The following ARHGEF3 variants were observed in gnomAD, a reference collection of about 807,000 sequenced individuals.
ARHGEF3 encodes the protein 59.8 kDA protein.
ARHGEF3 carries 28 observed loss-of-function variants against 63.2 expected under a neutral mutation model. That is an observed-to-expected ratio of 0.44 (90% CI 0.33 to 0.61). The LOEUF is 0.61. Among genes scored for constraint, ARHGEF3 ranks in the 20% least tolerant of loss-of-function variants. The probability of loss-of-function intolerance (pLI) is 0.03; values close to 1 mark genes in which losing one functional copy is unlikely to be tolerated. For missense variants in ARHGEF3, 533 were observed against 659.3 expected, an observed-to-expected ratio of 0.81 and a Z score of 2.10; for synonymous variants, 266 against 254.2, an observed-to-expected ratio of 1.05 and a Z score of -0.44.
At chr3:56,849,910 G>C (rs1042590910) in intron 4 of ARHGEF3, among the ~76,000 whole-genome samples, 3 of 152,146 alleles carry the variant, frequency 2.0e-5, no homozygotes, top group Non-Finnish European at 4.4e-5. Flanking sequence ...ACAGCTGAAA[G>C]GGCCTTTTGG....
chr3:57,065,313 T>A (rs1705465745), intron 1 of ARHGEF3, among the ~76,000 whole-genome samples: 1 of 152,026 alleles, frequency 6.6e-6, no homozygotes, highest in African/African-American at 2.4e-5. Context: ...AATACAAAAT[T>A]AGCCGGGTGT....
At chr3:57,013,084 G>A (rs1188993993) in intron 2 of ARHGEF3, among the ~76,000 whole-genome samples, 2 of 152,216 alleles carry the variant, frequency 1.3e-5, no homozygotes, top group African/African-American at 4.8e-5. Flanking sequence ...AATTCTCGCT[G>A]GGCCTCAGCT....
chr3:56,997,633 G>T (rs6801702), intron 2 of ARHGEF3, among the ~76,000 whole-genome samples: 27,379 of 152,086 alleles, frequency 0.18, 2,779 homozygotes, highest in East Asian at 0.38. Context: ...AGCTGTTTGT[G>T]GGGGCTTTTT....
chr3:56,944,964 C>T (rs1699402129), intron 3 of ARHGEF3, among the ~76,000 whole-genome samples: 1 of 152,060 alleles, frequency 6.6e-6, no homozygotes, highest in Admixed American at 6.6e-5. Flanking sequence ...TTAGGATATT[C>T]CATAAACTGA....
At position 56,862,440 on chromosome 3, in the gene ARHGEF3, G is replaced by A. The variant is rs1462771839; in HGVS notation, c.192+19852C>T. Reference sequence around the variant, plus strand: ...TTTTATCAGGATTATTTCACTGGGCGACATGGCACAAAGAAAGCAGTCCAT... The same window carrying A: ...TTTTATCAGGATTATTTCACTGGGCAACATGGCACAAAGAAAGCAGTCCAT... On this transcript the variant is annotated intron_variant, in intron 4 of 12. Coordinates refer to the ARHGEF3 transcript ENST00000338458. Among the ~76,000 whole-genome samples the A allele has an allele frequency of 2.6e-5, 4 of 152,152 alleles. 1 individual carries two copies. The highest frequency in any genetic ancestry group is 4.1e-4 in the South Asian group (2 of 4,826).
At chr3:57,073,518 G>GTA in intron 1 of ARHGEF3, 1 of 979,726 alleles carries the variant, frequency 1.0e-6, no homozygotes. Flanking sequence ...GGGTGACTGT[G>GTA]GGGTTTGGCT....
chr3:57,037,780 C>T (rs1704022195), intron 1 of ARHGEF3, among the ~76,000 whole-genome samples: 1 of 152,186 alleles, frequency 6.6e-6, no homozygotes, highest in Non-Finnish European at 1.5e-5. Context: ...GAGGCTGAGG[C>T]AGGAGAATGG....
At chr3:56,840,178 TC>T in intron 4 of ARHGEF3, among the ~76,000 whole-genome samples, 1 of 152,306 alleles carries the variant, frequency 6.6e-6, no homozygotes, top group East Asian at 1.9e-4. Context: ...ACAAGCTTTC[TC>T]TGCTAGACTC....
At chr3:56,733,863 A>T (rs2033397675) in intron 8 of ARHGEF3, among the ~76,000 whole-genome samples, 1 of 151,922 alleles carries the variant, frequency 6.6e-6, no homozygotes, top group African/African-American at 2.4e-5. Flanking sequence ...AGGCGCCTAT[A>T]ATCCCAGCTA....
At chr3:56,945,345 G>C (rs1308070308) in intron 3 of ARHGEF3, among the ~76,000 whole-genome samples, 3 of 152,136 alleles carry the variant, frequency 2.0e-5, no homozygotes, top group Admixed American at 6.5e-5. Flanking sequence ...AAGTGCAAGG[G>C]GTCAGGGAAT....
At chr3:56,874,103 A>C (rs1030740390) in intron 4 of ARHGEF3, among the ~76,000 whole-genome samples, 1 of 152,230 alleles carries the variant, frequency 6.6e-6, no homozygotes, top group Admixed American at 6.5e-5. Context: ...CAATATGTCT[A>C]TGTGAACGCT....
intron 4 of ARHGEF3, among the ~76,000 whole-genome samples, chr3:56,852,370 T>G (rs554522722): frequency 2.4e-4 from 37 of 152,322 alleles, no homozygotes; most frequent in Admixed American, 1.5e-3. Flanking sequence ...AGTGTTCTTT[T>G]GTAGTTTCTT....
intron 3 of ARHGEF3, chr3:56,939,711 GCTT>G (rs1360758011): frequency 6.6e-6 from 1 of 152,194 alleles, no homozygotes; most frequent in Admixed American, 6.5e-5. Flanking sequence ...TAAATGGACT[GCTT>G]CTAACCAAAG....
At chr3:57,005,604 T>A (rs536640312) in intron 2 of ARHGEF3, among the ~76,000 whole-genome samples, 14 of 152,330 alleles carry the variant, frequency 9.2e-5, no homozygotes, top group African/African-American at 3.4e-4. Flanking sequence ...CTGCCCATCC[T>A]GCTCCCTATC....
chr3:56,967,429 AT>A (rs1176586304), intron 2 of ARHGEF3, among the ~76,000 whole-genome samples: 1 of 74,670 alleles, frequency 1.3e-5, no homozygotes, highest in African/African-American at 5.3e-5. Context: ...CATATTATAT[AT>A]TATATAATAT....
intron 1 of ARHGEF3, among the ~76,000 whole-genome samples, chr3:57,054,858 C>A (rs562615328): frequency 6.6e-6 from 1 of 151,416 alleles, no homozygotes; most frequent in Non-Finnish European, 1.5e-5. Flanking sequence ...ACCATGTTGG[C>A]CAGTATGATC....
At chr3:56,977,486 G>T in intron 2 of ARHGEF3, 1 of 356,854 alleles carries the variant, frequency 2.8e-6, no homozygotes, top group Non-Finnish European at 5.5e-6. Context: ...CCTGATTCTG[G>T]GATGCAGCCC....
chr3:56,798,558 T>A lies in ARHGEF3; in HGVS notation c.96+3145A>T, dbSNP rs1036136655. On this transcript the variant is annotated intron_variant, in intron 1 of 9. Transcript: ENST00000296315. ...CTTCGTTTTTTTTTTTTTTTTTTTTTAAGCCTTCTTTTTAAAAAGCAAACC... is the reference window on the plus strand; with the variant it reads ...CTTCGTTTTTTTTTTTTTTTTTTTTAAAGCCTTCTTTTTAAAAAGCAAACC... Among the ~76,000 whole-genome samples the A allele has an allele frequency of 1.1e-4, 13 of 113,260 alleles. No homozygotes were observed. In the East Asian group the frequency reaches 2.5e-3, roughly 21 times the overall value. The allele number at this position is 113,260 out of a possible 152,430, so 74.3% of individuals were successfully genotyped here. A position where few individuals can be genotyped will look rare whatever the true frequency, so the allele number is the denominator to read the frequency against.
intron 2 of ARHGEF3, among the ~76,000 whole-genome samples, chr3:56,964,350 CAAAAAA>C (rs11347724): frequency 2.0e-5 from 2 of 101,140 alleles, no homozygotes; most frequent in Non-Finnish European, 4.0e-5. Flanking sequence ...AAGACTGTCT[CAAAAAA>C]AAAAAAAAAA....
Sources: gnomAD v4.1 joint callset for allele counts (sites outside exome capture counted in the v4.1 genomes callset) on GRCh38, gnomAD v4.1.1 for gene constraint, MANE v1.5 for transcripts, NCBI Gene and HGNC (gene_info 2026-07-23, HGNC 2026-07-21) for gene names.